PDZD8: variants seen among roughly 807,000 people sequenced by gnomAD.
PDZD8 encodes PDZ domain containing 8, also known as PDZ domain-containing protein 8.
A neutral mutation model predicts 85.8 loss-of-function variants in PDZD8; 14 were observed. That is an observed-to-expected ratio of 0.16 (90% CI 0.11 to 0.26). The LOEUF (loss-of-function observed/expected upper bound fraction) is 0.26. PDZD8 is among the 10% of genes least tolerant of loss of function. The probability of loss-of-function intolerance (pLI) is 1.00; values close to 1 mark genes in which losing one functional copy is unlikely to be tolerated. For missense variants in PDZD8, 1,197 were observed against 1,424.3 expected, an observed-to-expected ratio of 0.84 and a Z score of 2.57; for synonymous variants, 592 against 568.6, an observed-to-expected ratio of 1.04 and a Z score of -0.59.
At chr10:117,372,720 A>G (rs1845215069) in intron 1 of PDZD8, among the ~76,000 whole-genome samples, 1 of 152,230 alleles carries the variant, frequency 6.6e-6, no homozygotes, top group African/African-American at 2.4e-5. Context: ...GAACACAGTG[A>G]ACAACCAGTT....
intron 1 of PDZD8, among the ~76,000 whole-genome samples, chr10:117,350,270 T>G (rs1844782433): frequency 2.7e-5 from 1 of 37,542 alleles, no homozygotes. Context: ...GTTTGTTTCT[T>G]TTTTTTTTTT....
At chr10:117,342,199 T>C (rs1214845985) in intron 1 of PDZD8, among the ~76,000 whole-genome samples, 1 of 152,224 alleles carries the variant, frequency 6.6e-6, no homozygotes, top group Non-Finnish European at 1.5e-5. Flanking sequence ...TGCTGAGTTA[T>C]AAACTGTAGG....
At chr10:117,289,236 T>A (rs1239059032) in intron 4 of PDZD8, among the ~76,000 whole-genome samples, 1 of 152,214 alleles carries the variant, frequency 6.6e-6, no homozygotes, top group East Asian at 1.9e-4. Flanking sequence ...ATTGACTTAA[T>A]TGGGCTCCCA....
chr10:117,284,179 T>C lies in PDZD8; in HGVS notation c.2554A>G (p.Thr852Ala). The C allele has an allele frequency of 1.2e-6, 2 of 1,614,208 alleles. No homozygotes were observed. The highest frequency in any genetic ancestry group is 8.5e-7 in the Non-Finnish European group (1 of 1,180,028). ...SFQDTQFQNP[T>A]WCDYCKKKVW... ...TTTTTCTTACAGTAGTCACACCATG[T>C]TGGGTTCTGGAACTGAGTATCCTGA... Residue 852 changes from threonine (T) to alanine (A), a missense_variant, in exon 5 of 5, where the codon ACA (threonine) becomes GCA (alanine). Physicochemically the swap from Thr to Ala is moderately conservative, Grantham distance 58. Around this residue, in one of 4 missense-constraint regions of PDZD8, gnomAD observed 418 missense variants for 571.1 expected, o/e 0.73. Coordinates refer to ENST00000334464, the MANE Select transcript of PDZD8 (RefSeq NM_173791.5).
chr10:117,350,817 T>A (rs369408182), intron 1 of PDZD8, among the ~76,000 whole-genome samples: 11 of 146,736 alleles, frequency 7.5e-5, no homozygotes, highest in African/African-American at 2.8e-4. Flanking sequence ...GGCAGGAGAA[T>A]GGCATGAACC....
chr10:117,338,840 G>A lies in PDZD8; in HGVS notation c.995+2140C>T, dbSNP rs1340574772. ...TTAAGTGAGCAGTACTGCAGGTAAA[G>A]CAAAAATGTGGTGAGCAAAGCTGAC... On this transcript the variant is annotated intron_variant, in intron 2 of 4. Transcript: ENST00000334464. Among the ~76,000 whole-genome samples, 3 of 152,122 alleles carry A rather than the reference G, an allele frequency of 2.0e-5. No homozygotes were observed. The East Asian group carries it at 5.8e-4, about 29-fold the overall frequency.
chr10:117,364,813 T>C (rs772296987), intron 1 of PDZD8, among the ~76,000 whole-genome samples: 1 of 152,018 alleles, frequency 6.6e-6, no homozygotes, highest in Non-Finnish European at 1.5e-5. Flanking sequence ...ACATATTATC[T>C]GAAGGGACAT....
chr10:117,302,025 G>C (rs1276650967), intron 3 of PDZD8, among the ~76,000 whole-genome samples: 1 of 152,072 alleles, frequency 6.6e-6, no homozygotes, highest in East Asian at 1.9e-4. Flanking sequence ...TTATAATTCT[G>C]AAAAGTTAAT....
At chr10:117,344,867 C>T (rs528602714) in intron 1 of PDZD8, among the ~76,000 whole-genome samples, 3 of 152,178 alleles carry the variant, frequency 2.0e-5, no homozygotes, top group Admixed American at 2.0e-4. Context: ...ACCCAGCCCC[C>T]ACTCATGGAA....
At chr10:117,340,488 T>G (rs1266469147) in intron 2 of PDZD8, among the ~76,000 whole-genome samples, 1 of 152,160 alleles carries the variant, frequency 6.6e-6, no homozygotes, top group African/African-American at 2.4e-5. Context: ...TTAGTAAGTT[T>G]CCATCCACTG....
intron 2 of PDZD8, among the ~76,000 whole-genome samples, chr10:117,337,489 A>C (rs1224177464): frequency 6.6e-6 from 1 of 152,260 alleles, no homozygotes; most frequent in Non-Finnish European, 1.5e-5. Context: ...ATTTTTACAC[A>C]TAATACTGCC....
chr10:117,369,014 A>G (rs1157521776), intron 1 of PDZD8, among the ~76,000 whole-genome samples: 1 of 151,756 alleles, frequency 6.6e-6, no homozygotes, highest in Non-Finnish European at 1.5e-5. Flanking sequence ...TGCCATTTTT[A>G]GTAGAAGCGG....
chr10:117,318,884 A>C lies in PDZD8; in HGVS notation c.1086T>G (p.Ser362Arg). The change falls in exon 3 of 5, where the codon AGT becomes AGG. Residue 362 changes from serine to arginine, a missense_variant. This residue lies in a region of PDZD8 where 344 missense variants were observed against 453.6 expected (regional missense o/e 0.76). Transcript: ENST00000334464. ...AAATCCATTTTACCGTCTTAATAGA[A>C]CTCCTCTGTTTTTCTTCCCAAACAC... Reference protein sequence around the residue: ...SSSVWEEKQRSSIKTVELIKG... With the variant: ...SSSVWEEKQRRSIKTVELIKG... 1 of 1,598,784 alleles carries C rather than the reference A, an allele frequency of 6.3e-7. No homozygotes were observed.
intron 1 of PDZD8, among the ~76,000 whole-genome samples, chr10:117,356,706 C>T (rs538880283): frequency 6.6e-6 from 1 of 152,136 alleles, no homozygotes; most frequent in African/African-American, 2.4e-5. Context: ...GGTAGGCATC[C>T]TAATCTGGGG....
At chr10:117,309,600 A>G (rs935020056) in intron 3 of PDZD8, among the ~76,000 whole-genome samples, 1 of 152,052 alleles carries the variant, frequency 6.6e-6, no homozygotes, top group African/African-American at 2.4e-5. Context: ...CAAGCCACAC[A>G]GACTCTATTT....
At chr10:117,360,616 C>T (rs1170439758) in intron 1 of PDZD8, among the ~76,000 whole-genome samples, 1 of 151,992 alleles carries the variant, frequency 6.6e-6, no homozygotes, top group Non-Finnish European at 1.5e-5. Flanking sequence ...GCTAAAGCAG[C>T]TTGTCTGTGA....
chr10:117,347,647 A>G (rs1844732154), intron 1 of PDZD8, among the ~76,000 whole-genome samples: 1 of 152,324 alleles, frequency 6.6e-6, no homozygotes, highest in Non-Finnish European at 1.5e-5. Context: ...TGTGGACAAA[A>G]AAAAATGGAA....
chr10:117,354,853 TTTC>T (rs1177385361), intron 1 of PDZD8, among the ~76,000 whole-genome samples: 2 of 152,184 alleles, frequency 1.3e-5, no homozygotes, highest in Non-Finnish European at 2.9e-5. Context: ...TTTAAAAATG[TTTC>T]TTCATTTATT....
At position 117,311,846 on chromosome 10, in the gene PDZD8, G is replaced by A. The variant is rs143268940; in HGVS notation, c.1098+7026C>T. 5.3e-3 allele frequency among the ~76,000 whole-genome samples: 806 copies of A among 151,804 alleles called. 4 individuals carry two copies. The highest frequency in any genetic ancestry group is 9.0e-3 in the Non-Finnish European group (612 of 67,956). On this transcript the variant is annotated intron_variant, in intron 3 of 4. Transcript: ENST00000334464. ...CTGGAAGGAAGGGCAGGGGGAGGAA[G>A]AGGTGGTATTAGTAGAGGCCAGAGG...
Sources: gnomAD v4.1 joint callset for allele counts (sites outside exome capture counted in the v4.1 genomes callset) on GRCh38, gnomAD v4.1.1 for gene constraint, gnomAD v4.1.1 regional missense constraint, MANE v1.5 for transcripts, NCBI Gene and HGNC (gene_info 2026-07-23, HGNC 2026-07-21) for gene names.